Variants in MYT1L observed in about 807,000 individuals in gnomAD.
MYT1L encodes myelin transcription factor 1-like protein.
A neutral mutation model predicts 126.7 loss-of-function variants in MYT1L; 12 were observed. That is an observed-to-expected ratio of 0.09 (90% CI 0.06 to 0.15). MYT1L has a LOEUF of 0.15. MYT1L is among the 10% of genes least tolerant of loss of function. The pLI is 1.00. For missense variants in MYT1L, 979 were observed against 1,585.2 expected (o/e 0.62, Z 6.49); for synonymous variants, 541 against 604.2 (o/e 0.90, Z 1.53).
At chr2:1,958,374 G>A (rs1280658476) in intron 8 of MYT1L, among the ~76,000 whole-genome samples, 1 of 151,784 alleles carries the variant, frequency 6.6e-6, no homozygotes, top group Non-Finnish European at 1.5e-5. Context: ...GGAGTTGGAG[G>A]ATGAGGATGT....
chr2:1,817,005 G>C (rs967064315), intron 21 of MYT1L: 1 of 152,278 alleles, frequency 6.6e-6, no homozygotes, highest in Non-Finnish European at 1.5e-5. Flanking sequence ...CTCCCCATGG[G>C]TGCCTCAGCT....
intron 14 of MYT1L, 63 bp from the exon 15 acceptor site, chr2:1,892,350 C>G (rs2048998214): frequency 2.7e-6 from 4 of 1,509,016 alleles, no homozygotes; most frequent in Non-Finnish European, 3.6e-6. Context: ...AGACAGCACA[C>G]GGCAGGGCCT....
At chr2:2,000,870 C>T (rs1044944864) in intron 4 of MYT1L, among the ~76,000 whole-genome samples, 26 of 152,172 alleles carry the variant, frequency 1.7e-4, no homozygotes, top group Non-Finnish European at 2.2e-4. Flanking sequence ...GCTATGCATG[C>T]GTGGTGTTCA....
At position 2,185,943 on chromosome 2, in the gene MYT1L, A is replaced by C. The variant is rs1239245584; in HGVS notation, c.-420-12955T>G. Among the ~76,000 whole-genome samples, 59 of 113,986 alleles carry C rather than the reference A, an allele frequency of 5.2e-4. 6 individuals are homozygous for C. The highest frequency in any genetic ancestry group is 8.6e-4 in the Non-Finnish European group (50 of 58,244). 74.8% of individuals were successfully genotyped at this position (113,986 alleles called of 152,430 possible). ...GTCCCGCGTTCCTTCTGTGAGGCGG[A>C]CGCAGCCGGGCCTCCCAGACGTCCG... On this transcript the variant is annotated intron_variant, in intron 2 of 24. Transcript: ENST00000647738.
At chr2:1,819,326 A>AT (rs2038168703) in intron 21 of MYT1L, among the ~76,000 whole-genome samples, 1 of 152,254 alleles carries the variant, frequency 6.6e-6, no homozygotes, top group African/African-American at 2.4e-5. Flanking sequence ...CAGGAGGGTC[A>AT]TGACAATGCT....
At chr2:1,855,914 C>T (rs1394525314) in intron 18 of MYT1L, among the ~76,000 whole-genome samples, 1 of 151,862 alleles carries the variant, frequency 6.6e-6, no homozygotes, top group African/African-American at 2.4e-5. Flanking sequence ...TTTGGTTGTA[C>T]ATATTAAGAG....
At chr2:2,223,935 T>C (rs10865533) in intron 2 of MYT1L, among the ~76,000 whole-genome samples, 112,148 of 152,136 alleles carry the variant, frequency 0.74, 41,652 homozygotes, top group East Asian at 0.81. Context: ...CGAAGGGAGA[T>C]GAAGGAAACG....
chr2:2,003,857 T>A (rs2062672463), intron 4 of MYT1L, among the ~76,000 whole-genome samples: 1 of 152,102 alleles, frequency 6.6e-6, no homozygotes, highest in African/African-American at 2.4e-5. Context: ...CTCACTCCAC[T>A]CCCTCAGTGC....
At chr2:1,882,511 A>C (rs1440619897) in intron 18 of MYT1L, among the ~76,000 whole-genome samples, 2 of 152,230 alleles carry the variant, frequency 1.3e-5, no homozygotes, top group East Asian at 3.9e-4. Flanking sequence ...GTCCTAAAAG[A>C]GCTGAATTTA....
intron 1 of MYT1L, among the ~76,000 whole-genome samples, chr2:2,328,334 ATAAAT>A (rs2096264125): frequency 6.6e-6 from 1 of 152,216 alleles, no homozygotes; most frequent in African/African-American, 2.4e-5. Flanking sequence ...AAATAAATAA[ATAAAT>A]TAGGTGAAAA....
At chr2:1,890,534 C>G (rs1412800716) in intron 15 of MYT1L, among the ~76,000 whole-genome samples, 1 of 151,974 alleles carries the variant, frequency 6.6e-6, no homozygotes, top group Admixed American at 6.6e-5. Context: ...CAAAGAGGTA[C>G]AGGGTGAGGC....
intron 2 of MYT1L, among the ~76,000 whole-genome samples, chr2:2,267,911 G>T (rs2095172697): frequency 6.6e-6 from 1 of 151,266 alleles, no homozygotes; most frequent in South Asian, 2.1e-4. Flanking sequence ...CACATCCTAA[G>T]CTCCCACACC....
Position 1,887,471 on chromosome 2 carries a change from C to T in MYT1L, c.2642+17G>A. On this transcript the variant is annotated intron_variant, in intron 17 of 24. Coordinates refer to ENST00000647738, the MANE Select transcript of MYT1L (RefSeq NM_001303052.2). The surrounding 1 kb of genome is among the most constrained non-coding windows in gnomAD (Gnocchi z 4.8). ...AAGATTAAGAAGATTCATAATTTCACCTCACAGCATGCTTACGTTATTAAG... is the reference window on the plus strand; with the variant it reads ...AAGATTAAGAAGATTCATAATTTCATCTCACAGCATGCTTACGTTATTAAG... 1 of 1,613,880 alleles carries T rather than the reference C, an allele frequency of 6.2e-7. No individual in the cohort carries two copies. The highest frequency in any genetic ancestry group is 8.5e-7 in the Non-Finnish European group (1 of 1,179,850).
intron 3 of MYT1L, among the ~76,000 whole-genome samples, chr2:2,158,194 C>A (rs1381356685): frequency 2.6e-5 from 4 of 151,632 alleles, no homozygotes; most frequent in African/African-American, 4.8e-5. Context: ...GGTTCTGAAG[C>A]AATATCAGTT....
chr2:1,886,607 A>C lies in MYT1L; in HGVS notation c.2643T>G (p.Thr881=). The change falls in exon 18 of 25, where the codon ACT becomes ACG. Residue 881 remains threonine, a splice_region_variant and synonymous_variant. Transcript: ENST00000647738. ...TGTCCGCCAGGGGGCAGCCAGACAG[A>C]CTGTAAGACAGGCCGGGACAGGCAG... ...QCKESKKDLI[T]LSGCPLADKS... 6.4e-7 allele frequency: 1 copy of C among 1,569,464 alleles called. No individual in the cohort carries two copies. The highest frequency in any genetic ancestry group is 8.6e-7 in the Non-Finnish European group (1 of 1,158,362).
At chr2:2,282,999 C>T (rs1474747783) in intron 2 of MYT1L, among the ~76,000 whole-genome samples, 1 of 152,160 alleles carries the variant, frequency 6.6e-6, no homozygotes, top group African/African-American at 2.4e-5. Context: ...ACCTTGAACC[C>T]CGGAGGGAGA....
chr2:1,964,971 G>C (rs563456951), intron 8 of MYT1L, among the ~76,000 whole-genome samples: 141 of 152,248 alleles, frequency 9.3e-4, no homozygotes, highest in Non-Finnish European at 1.6e-3. Context: ...TGTTCTAGGA[G>C]AGCCATTCTC....
intron 4 of MYT1L, among the ~76,000 whole-genome samples, chr2:2,047,396 T>C (rs935300923): frequency 2.0e-5 from 3 of 152,252 alleles, no homozygotes; most frequent in Admixed American, 6.5e-5. Context: ...ACAAGACTAA[T>C]GAAAATGATA....
At chr2:2,314,725 C>G (rs1301332436) in intron 1 of MYT1L, among the ~76,000 whole-genome samples, 1 of 152,072 alleles carries the variant, frequency 6.6e-6, no homozygotes, top group African/African-American at 2.4e-5. Context: ...TCAAGACAAT[C>G]CTAAGCAAAA....
Sources: allele counts gnomAD v4.1 joint callset (sites outside exome capture counted in the v4.1 genomes callset), GRCh38; gene constraint gnomAD v4.1.1; non-coding constraint Gnocchi (gnomAD v3.1); transcripts MANE v1.5; gene names NCBI Gene and HGNC (gene_info 2026-07-23, HGNC 2026-07-21).